Variants in LARS2 observed in about 807,000 individuals in gnomAD.
LARS2 encodes leucine--tRNA ligase, mitochondrial.
In LARS2, 81 loss-of-function variants were observed where a neutral mutation model predicts 116.6. The observed-to-expected ratio is 0.69, with a 90% CI of 0.58 to 0.84. The LOEUF (loss-of-function observed/expected upper bound fraction) is 0.84. Among genes scored for constraint, LARS2 ranks in the 40% least tolerant of loss-of-function variants. LARS2 has a pLI of 0.00. For missense variants in LARS2, 968 were observed against 1,114.5 expected, an observed-to-expected ratio of 0.87 and a Z score of 1.87; for synonymous variants, 396 against 407.2, an observed-to-expected ratio of 0.97 and a Z score of 0.33.
intron 7 of LARS2, among the ~76,000 whole-genome samples, chr3:45,451,893 G>A (rs1699135688): frequency 6.6e-6 from 1 of 151,984 alleles, no homozygotes; most frequent in African/African-American, 2.4e-5. Flanking sequence ...ATGTTTTATA[G>A]TTTTCCTTAG....
Position 45,524,087 on chromosome 3 carries a change from G to A in LARS2, c.2383G>A (p.Val795Ile), listed in dbSNP as rs567696424. 6.2e-7 allele frequency: 1 copy of A among 1,612,602 alleles called. No homozygotes were observed. The highest frequency in any genetic ancestry group is 1.1e-5 in the South Asian group (1 of 91,062). Residue 795 changes from valine (V) to isoleucine (I), a missense_variant, in exon 20 of 22, where the codon GTA becomes ATA. Coordinates refer to ENST00000645846, the MANE Select transcript of LARS2 (RefSeq NM_015340.4). ...AATGGCTGCTCCACTGGCCCCTCATGTAACCTCAGAGATCTGGGCAGGTAC... is the reference window on the plus strand; with the variant it reads ...AATGGCTGCTCCACTGGCCCCTCATATAACCTCAGAGATCTGGGCAGGTAC... ...MVMAAPLAPHVTSEIWAGLAL... is the reference protein window; with the variant it reads ...MVMAAPLAPHITSEIWAGLAL...
chr3:45,500,395 T>C lies in LARS2; in HGVS notation c.1623-47T>C, dbSNP rs751742870. On this transcript the variant is annotated intron_variant, in intron 14 of 21. Coordinates refer to ENST00000645846, the MANE Select transcript of LARS2 (RefSeq NM_015340.4). ...CAATAGGCCTGTTTAATTTACACAATTGTGGCAAAGCAGGTTTTTAAAAAT... is the reference window on the plus strand; with the variant it reads ...CAATAGGCCTGTTTAATTTACACAACTGTGGCAAAGCAGGTTTTTAAAAAT... 6 of 1,584,520 alleles carry C rather than the reference T, an allele frequency of 3.8e-6. No homozygotes were observed. In the Admixed American group the frequency reaches 5.6e-5, roughly 15 times the overall value.
At chr3:45,393,505 G>A (rs141788772) in intron 2 of LARS2, among the ~76,000 whole-genome samples, 1 of 152,220 alleles carries the variant, frequency 6.6e-6, no homozygotes, top group East Asian at 1.9e-4. Context: ...AACCCAGGAG[G>A]TGGAGGTTGC....
chr3:45,501,135 TA>T (rs1042567008), intron 15 of LARS2, among the ~76,000 whole-genome samples: 1 of 72,680 alleles, frequency 1.4e-5, no homozygotes, highest in African/African-American at 3.0e-5. Flanking sequence ...TTAATGTATT[TA>T]AAGAATGGTA....
intron 3 of LARS2, among the ~76,000 whole-genome samples, chr3:45,398,730 C>T (rs1698092364): frequency 2.0e-5 from 3 of 152,040 alleles, no homozygotes; most frequent in Admixed American, 2.0e-4. Flanking sequence ...CCATAGGGGC[C>T]AGTTATCAGG....
intron 17 of LARS2, 134 bp from the exon 18 acceptor site, chr3:45,517,769 C>T (rs1007726348): frequency 1.6e-6 from 1 of 635,730 alleles, no homozygotes; most frequent in Non-Finnish European, 2.7e-6. Context: ...CTTCAGCCTG[C>T]CCTCAGAGGA....
At chr3:45,471,884 T>C (rs1408196049) in intron 8 of LARS2, among the ~76,000 whole-genome samples, 2 of 152,222 alleles carry the variant, frequency 1.3e-5, no homozygotes, top group Non-Finnish European at 2.9e-5. Context: ...TATTAACATA[T>C]TAGTATATAA....
At chr3:45,448,851 G>A (rs972328380) in intron 7 of LARS2, among the ~76,000 whole-genome samples, 2 of 152,164 alleles carry the variant, frequency 1.3e-5, no homozygotes, top group African/African-American at 2.4e-5. Context: ...TTCCAGCGTG[G>A]GCTTTATGGC....
intron 6 of LARS2, among the ~76,000 whole-genome samples, chr3:45,430,188 T>A (rs1391637661): frequency 6.6e-6 from 1 of 150,952 alleles, no homozygotes; most frequent in African/African-American, 2.4e-5. Context: ...TTAGCCAGGA[T>A]GGTTTCAATC....
rs79959231 is a variant in LARS2, at chr3:45,463,192, C to A, written c.750+4306C>A. On this transcript the variant is annotated intron_variant, in intron 8 of 21. Transcript: ENST00000645846. Reference sequence around the variant, plus strand: ...GCAGAGTGACAACTGGAAGGAGAGGCAAATAGAGAGAAGGCCTCCCATTTG... The same window carrying A: ...GCAGAGTGACAACTGGAAGGAGAGGAAAATAGAGAGAAGGCCTCCCATTTG... Among the ~76,000 whole-genome samples, 194 of 152,252 alleles carry A rather than the reference C, an allele frequency of 1.3e-3. 1 individual carries two copies. Among genetic ancestry groups the A allele is most frequent in the African/African-American group, 4.2e-3 (176 of 41,538 alleles).
chr3:45,398,369 C>T (rs181515444), intron 3 of LARS2, among the ~76,000 whole-genome samples: 14 of 152,182 alleles, frequency 9.2e-5, no homozygotes, highest in African/African-American at 3.4e-4. Flanking sequence ...GAACATTCAG[C>T]AAACAATATT....
At chr3:45,506,055 GAAC>G (rs1700196711) in intron 15 of LARS2, among the ~76,000 whole-genome samples, 1 of 152,038 alleles carries the variant, frequency 6.6e-6, no homozygotes, top group South Asian at 2.1e-4. Flanking sequence ...CAACATTAAG[GAAC>G]AACTATATGG....
intron 21 of LARS2, among the ~76,000 whole-genome samples, chr3:45,542,794 G>A (rs963191396): frequency 1.4e-4 from 21 of 152,236 alleles, no homozygotes; most frequent in African/African-American, 5.1e-4. Context: ...TCTACATCAG[G>A]CATAGTGCTC....
intron 12 of LARS2, 39 bp from the exon 13 acceptor site, chr3:45,491,478 A>G (rs947448345): frequency 3.6e-5 from 58 of 1,602,670 alleles, no homozygotes; most frequent in South Asian, 7.9e-5. Context: ...GACTGGTGCT[A>G]TGCGGAGAGG....
At chr3:45,508,757 T>A (rs1272598156) in intron 15 of LARS2, among the ~76,000 whole-genome samples, 2 of 151,976 alleles carry the variant, frequency 1.3e-5, no homozygotes, top group African/African-American at 4.8e-5. Context: ...TATAGTGATT[T>A]TTTTAAGAGC....
rs1469626259 is a variant in LARS2, at chr3:45,542,079, G to C, written c.2532+123G>C. ...TCTAGCTCACTCAGCTCAGCCCTCA[G>C]CCACACCTTGTGACCGGAAGGCACA... On this transcript the variant is annotated intron_variant, in intron 21 of 21. Transcript: ENST00000645846. The C allele has an allele frequency of 2.4e-6, 3 of 1,259,996 alleles. No individual in the cohort carries two copies. In the African/African-American group the frequency reaches 4.5e-5, roughly 19 times the overall value. The allele number at this position is 1,259,996 out of a possible 1,614,324, so 78.1% of individuals were successfully genotyped here. A position where few individuals can be genotyped will look rare whatever the true frequency, so the allele number is the denominator to read the frequency against.
chr3:45,399,630 T>TTTTC (rs746130180), intron 3 of LARS2, among the ~76,000 whole-genome samples: 1 of 152,158 alleles, frequency 6.6e-6, no homozygotes, highest in South Asian at 2.1e-4. Flanking sequence ...TTGGGACCGC[T>TTTTC]TTTCTTTCTT....
chr3:45,420,167 A>G (rs1446423860), intron 6 of LARS2, among the ~76,000 whole-genome samples: 1 of 152,238 alleles, frequency 6.6e-6, no homozygotes, highest in African/African-American at 2.4e-5. Flanking sequence ...TCTGTCACAT[A>G]TAATCTTTTG....
intron 14 of LARS2, among the ~76,000 whole-genome samples, chr3:45,499,924 CACTT>C (rs371800713): frequency 1.2e-4 from 19 of 152,190 alleles, no homozygotes; most frequent in African/African-American, 3.9e-4. Context: ...CATAAATTAA[CACTT>C]ACCTGACTTT....
Sources: allele counts gnomAD v4.1 joint callset (sites outside exome capture counted in the v4.1 genomes callset), GRCh38; gene constraint gnomAD v4.1.1; transcripts MANE v1.5; gene names NCBI Gene and HGNC (gene_info 2026-07-23, HGNC 2026-07-21).